KCNQ5: variants seen among roughly 807,000 people sequenced by gnomAD.
The protein encoded by KCNQ5 is potassium voltage-gated channel subfamily KQT member 5.
A neutral mutation model predicts 98.2 loss-of-function variants in KCNQ5; 30 were observed. That is an observed-to-expected ratio of 0.31 (90% confidence interval 0.23 to 0.41). The LOEUF is 0.41. Ranked by LOEUF, KCNQ5 falls within the 10% of genes least tolerant of loss-of-function variation. KCNQ5 has a pLI of 1.00. For missense variants in KCNQ5, 835 were observed against 1,182.5 expected (o/e 0.71, Z 4.31); for synonymous variants, 458 against 449.4 (o/e 1.02, Z -0.24).
At chr6:72,943,070 C>T (rs1256376679) in intron 1 of KCNQ5, among the ~76,000 whole-genome samples, 2 of 152,146 alleles carry the variant, frequency 1.3e-5, no homozygotes, top group African/African-American at 4.8e-5. Context: ...AAAACAAACA[C>T]AATTTCTTTT....
At chr6:72,975,515 T>C (rs1768121682) in intron 1 of KCNQ5, among the ~76,000 whole-genome samples, 1 of 152,150 alleles carries the variant, frequency 6.6e-6, no homozygotes, top group Non-Finnish European at 1.5e-5. Flanking sequence ...ACAAGTGCCA[T>C]TGTAGGTCAA....
chr6:73,151,883 A>C (rs138393158), intron 10 of KCNQ5, among the ~76,000 whole-genome samples: 1 of 152,212 alleles, frequency 6.6e-6, no homozygotes, highest in East Asian at 1.9e-4. Flanking sequence ...AAAAGATGAC[A>C]TGATGACAGA....
At chr6:72,939,859 A>G (rs2150238066) in intron 1 of KCNQ5, among the ~76,000 whole-genome samples, 1 of 152,230 alleles carries the variant, frequency 6.6e-6, no homozygotes, top group South Asian at 2.1e-4. Context: ...CTTTCTTTTC[A>G]CGTCTATGAA....
chr6:72,799,700 C>G (rs1353575390), intron 1 of KCNQ5, among the ~76,000 whole-genome samples: 1 of 152,306 alleles, frequency 6.6e-6, no homozygotes, highest in African/African-American at 2.4e-5. Context: ...GAAACTGGTT[C>G]TTGGCATCAT....
intron 1 of KCNQ5, among the ~76,000 whole-genome samples, chr6:72,752,726 G>A (rs1771746944): frequency 6.6e-6 from 1 of 152,074 alleles, no homozygotes; most frequent in South Asian, 2.1e-4. Context: ...ATGTAAAATA[G>A]GGGACTAGAC....
intron 1 of KCNQ5, among the ~76,000 whole-genome samples, chr6:72,832,318 G>A (rs906527001): frequency 1.3e-5 from 2 of 152,118 alleles, no homozygotes; most frequent in African/African-American, 4.8e-5. Flanking sequence ...AAATTTTAAT[G>A]ATGAGCCCTA....
chr6:72,966,947 G>A (rs1562098786), intron 1 of KCNQ5, among the ~76,000 whole-genome samples: 1 of 152,156 alleles, frequency 6.6e-6, no homozygotes, highest in South Asian at 2.1e-4. Context: ...AAGGAATGTG[G>A]ACTGAGTTTT....
intron 5 of KCNQ5, among the ~76,000 whole-genome samples, chr6:73,086,102 A>G (rs577725388): frequency 6.6e-6 from 1 of 152,132 alleles, no homozygotes; most frequent in Admixed American, 6.5e-5. Flanking sequence ...TGCTGATGAC[A>G]TTAGATTAAT....
chr6:72,983,736 T>C (rs1768593920), intron 1 of KCNQ5, among the ~76,000 whole-genome samples: 1 of 152,288 alleles, frequency 6.6e-6, no homozygotes, highest in East Asian at 1.9e-4. Flanking sequence ...GCTGCGATCC[T>C]TTGGAGGAGA....
intron 1 of KCNQ5, among the ~76,000 whole-genome samples, chr6:73,002,184 C>T (rs993446958): frequency 2.6e-5 from 4 of 152,126 alleles, no homozygotes; most frequent in African/African-American, 9.7e-5. Context: ...ACATCGTGTA[C>T]TAGGTTTTTT....
intron 1 of KCNQ5, among the ~76,000 whole-genome samples, chr6:72,904,108 CT>C (rs1394559998): frequency 1.3e-5 from 2 of 152,124 alleles, no homozygotes; most frequent in African/African-American, 2.4e-5. Context: ...TTTTTAACTG[CT>C]GTTGCTTTAA....
At chr6:73,087,896 C>G (rs1008999027) in intron 5 of KCNQ5, among the ~76,000 whole-genome samples, 1 of 152,130 alleles carries the variant, frequency 6.6e-6, no homozygotes, top group African/African-American at 2.4e-5. Context: ...TCTTTCAAAG[C>G]CCAGGTAAGG....
At chr6:73,005,333 T>C (rs1039183535) in intron 2 of KCNQ5, among the ~76,000 whole-genome samples, 7 of 152,216 alleles carry the variant, frequency 4.6e-5, no homozygotes, top group African/African-American at 1.4e-4. Flanking sequence ...ATAGCTGGCT[T>C]TTAGGTCCAC....
At chr6:72,846,672 C>T (rs1423590403) in intron 1 of KCNQ5, among the ~76,000 whole-genome samples, 1 of 152,122 alleles carries the variant, frequency 6.6e-6, no homozygotes, top group East Asian at 1.9e-4. Context: ...GAGCAAGGCT[C>T]TTTCTAAAAA....
chr6:73,016,422 CA>C (rs1296110007), intron 2 of KCNQ5, among the ~76,000 whole-genome samples: 2 of 151,940 alleles, frequency 1.3e-5, no homozygotes, highest in African/African-American at 4.8e-5. Flanking sequence ...GAAGAGAATC[CA>C]AAGCTGACTC....
At chr6:72,819,516 G>A (rs1277197230) in intron 1 of KCNQ5, among the ~76,000 whole-genome samples, 1 of 152,076 alleles carries the variant, frequency 6.6e-6, no homozygotes. Flanking sequence ...GTACTATTTA[G>A]TGTTTCTTCC....
chr6:72,777,631 C>T (rs1773225022), intron 1 of KCNQ5, among the ~76,000 whole-genome samples: 1 of 152,150 alleles, frequency 6.6e-6, no homozygotes, highest in Non-Finnish European at 1.5e-5. Context: ...AAACTCATAT[C>T]CTTTTGGTCT....
intron 1 of KCNQ5, among the ~76,000 whole-genome samples, chr6:72,739,136 A>C (rs1771000332): frequency 6.6e-6 from 1 of 152,098 alleles, no homozygotes; most frequent in South Asian, 2.1e-4. Context: ...AGAAAGCTGT[A>C]CCTTGTGTGG....
intron 1 of KCNQ5, among the ~76,000 whole-genome samples, chr6:72,951,254 AT>A (rs1253457356): frequency 6.6e-6 from 1 of 151,532 alleles, no homozygotes; most frequent in Non-Finnish European, 1.5e-5. Flanking sequence ...GTTGTTGTTG[AT>A]TTTTTGTTGG....
Sources: gnomAD v4.1 joint callset for allele counts (sites outside exome capture counted in the v4.1 genomes callset) on GRCh38, gnomAD v4.1.1 for gene constraint, MANE v1.5 for transcripts, NCBI Gene and HGNC (gene_info 2026-07-23, HGNC 2026-07-21) for gene names.